ENKUR: variants seen among roughly 807,000 people sequenced by gnomAD.
ENKUR encodes the protein enkurin.
Under a neutral mutation model 27.6 loss-of-function variants are expected in ENKUR, and 19 were observed. The ratio of observed to expected loss-of-function variants is 0.69; its 90% CI spans 0.48 to 1.01. The LOEUF (loss-of-function observed/expected upper bound fraction) is 1.01, where lower values mean the gene tolerates loss of function less well. ENKUR is among the 50% of genes least tolerant of loss of function. The pLI is 0.00. For missense variants in ENKUR, 312 were observed against 310.5 expected, an observed-to-expected ratio of 1.00 and a Z score of -0.04; for synonymous variants, 117 against 96.9, an observed-to-expected ratio of 1.21 and a Z score of -1.22.
Position 25,027,356 on chromosome 10 carries a change from TCAAAAAAAAAAA to T in ENKUR, c.38-31499_38-31488del, listed in dbSNP as rs1454975063. ...TGGGTGACAGAGCAAGACTCCCGTC[TCAAAAAAAAAAA>T]AAAAAAAAAAAAAAAAAAACTAGCC... On this transcript the variant is annotated intron_variant, in intron 2 of 5. Coordinates refer to the ENKUR transcript ENST00000615958. 4.2e-4 allele frequency among the ~76,000 whole-genome samples: 19 copies of T among 45,736 alleles called. 1 individual carries two copies. The highest frequency in any genetic ancestry group is 2.4e-3 in the South Asian group (3 of 1,234). 30.0% of individuals were successfully genotyped at this position (45,736 alleles called of 152,430 possible).
intron 2 of ENKUR, among the ~76,000 whole-genome samples, chr10:25,033,853 AT>A (rs1564353908): frequency 6.7e-6 from 1 of 149,832 alleles, no homozygotes; most frequent in East Asian, 1.9e-4. Context: ...CTATCTATCT[AT>A]CTATCTATCT....
chr10:24,997,819 A>ATATATG lies in ENKUR; in HGVS notation c.223+1581_223+1582insCATATA, dbSNP rs200857558. 2.9e-3 allele frequency among the ~76,000 whole-genome samples: 444 copies of ATATATG among 151,614 alleles called. 9 individuals carry two copies. The highest frequency in any genetic ancestry group is 9.5e-3 in the African/African-American group (391 of 41,114). ...TGACACAAAGGATTTATATATATAT[A>ATATATG]TATATATGTTTGTGTTATATCATAT... On this transcript the variant is annotated intron_variant, in intron 2 of 5. Coordinates refer to ENST00000331161, the MANE Select transcript of ENKUR (RefSeq NM_145010.4).
intron 2 of ENKUR, among the ~76,000 whole-genome samples, chr10:25,045,765 T>C (rs1328919649): frequency 1.3e-5 from 2 of 152,186 alleles, no homozygotes; most frequent in African/African-American, 4.8e-5. Context: ...GATTATAAAC[T>C]TGTTTATAAA....
chr10:25,005,220 T>TA (rs1850284908), intron 1 of ENKUR, among the ~76,000 whole-genome samples: 1 of 152,210 alleles, frequency 6.6e-6, no homozygotes, highest in Non-Finnish European at 1.5e-5. Flanking sequence ...ATTTTCTATT[T>TA]ATTATTAGAA....
chr10:25,024,194 G>C, intron 2 of ENKUR: 1 of 1,614,208 alleles, frequency 6.2e-7, no homozygotes, highest in Non-Finnish European at 8.5e-7. Context: ...AACTTTGCCT[G>C]CTCAAAAATT....
upstream of ENKUR, among the ~76,000 whole-genome samples, chr10:25,016,999 T>G (rs1040472687): frequency 1.3e-5 from 2 of 152,094 alleles, no homozygotes; most frequent in Non-Finnish European, 2.9e-5. Context: ...GCCCGCGGCC[T>G]CCTCCGCCTG....
intron 4 of ENKUR, among the ~76,000 whole-genome samples, chr10:24,987,341 C>T (rs151094619): frequency 1.5e-4 from 23 of 152,148 alleles, no homozygotes; most frequent in Non-Finnish European, 2.4e-4. Context: ...GTCAATAATT[C>T]CTTCATAAAT....
At chr10:25,042,277 T>C (rs1851072819) in intron 2 of ENKUR, among the ~76,000 whole-genome samples, 1 of 147,844 alleles carries the variant, frequency 6.8e-6, no homozygotes, top group Non-Finnish European at 1.5e-5. Flanking sequence ...GATTTTTTTT[T>C]TTTGAGTCAG....
intron 2 of ENKUR, among the ~76,000 whole-genome samples, chr10:25,059,089 G>C (rs532954903): frequency 6.7e-6 from 1 of 150,250 alleles, no homozygotes; most frequent in South Asian, 2.1e-4. Context: ...ATCTAAGAGG[G>C]CACTTCATTG....
At chr10:25,016,994 C>T (rs1457981183), upstream of ENKUR, among the ~76,000 whole-genome samples, 4 of 152,176 alleles carry the variant, frequency 2.6e-5, no homozygotes, top group Non-Finnish European at 5.9e-5. Context: ...ACGGGGCCCG[C>T]GGCCTCCTCC....
intron 2 of ENKUR, among the ~76,000 whole-genome samples, chr10:25,054,154 C>T (rs998617193): frequency 6.6e-6 from 1 of 152,202 alleles, no homozygotes; most frequent in Admixed American, 6.5e-5. Context: ...GGCATGGTGG[C>T]GCACGCCTAT....
chr10:25,023,523 TGA>T, intron 2 of ENKUR: 1 of 1,614,138 alleles, frequency 6.2e-7, no homozygotes, highest in Non-Finnish European at 8.5e-7. Context: ...TGAGTGTGTC[TGA>T]AAAATTACAG....
intron 3 of ENKUR, among the ~76,000 whole-genome samples, chr10:24,991,162 C>T (rs541649838): frequency 3.2e-4 from 48 of 152,070 alleles, no homozygotes; most frequent in Non-Finnish European, 5.4e-4. Context: ...ATGTTTCCCA[C>T]GCCTGCTCCT....
At chr10:25,047,263 C>T (rs902925199) in intron 2 of ENKUR, among the ~76,000 whole-genome samples, 3 of 152,108 alleles carry the variant, frequency 2.0e-5, no homozygotes, top group Admixed American at 6.5e-5. Context: ...ACATCAGGAG[C>T]GTGTGAGGCC....
chr10:25,003,176 TAA>T (rs1491252424), intron 1 of ENKUR, among the ~76,000 whole-genome samples: 4,051 of 137,362 alleles, frequency 0.029, 73 homozygotes, highest in South Asian at 0.071. Context: ...ATTAATTAAT[TAA>T]TTAATTTATT....
At chr10:25,010,779 A>C (rs1196485824) in intron 1 of ENKUR, among the ~76,000 whole-genome samples, 3 of 143,460 alleles carry the variant, frequency 2.1e-5, no homozygotes, top group Non-Finnish European at 4.6e-5. Context: ...TGAACTCATC[A>C]TTTTTTATGG....
At chr10:25,017,080 G>A (rs985615416), upstream of ENKUR, among the ~76,000 whole-genome samples, 13 of 152,284 alleles carry the variant, frequency 8.5e-5, no homozygotes, top group Non-Finnish European at 1.0e-4. Flanking sequence ...CTCTGCGCCT[G>A]CTCTTCCCCG....
Position 25,040,528 on chromosome 10 carries a change from G to A in ENKUR, c.37+20584C>T, listed in dbSNP as rs369516831. 6.6e-4 allele frequency among the ~76,000 whole-genome samples: 98 copies of A among 148,132 alleles called. No homozygotes were observed. In the East Asian group the frequency reaches 0.019, roughly 29 times the overall value. On this transcript the variant is annotated intron_variant, in intron 2 of 5. Transcript: ENST00000615958. Reference sequence around the variant, plus strand: ...TGGGACTACAGGCGCCTGCCACCACGCCCGGCTAACTTTTTTTGTATTATC... The same window carrying A: ...TGGGACTACAGGCGCCTGCCACCACACCCGGCTAACTTTTTTTGTATTATC...
At chr10:25,027,153 G>C (rs189460397) in intron 2 of ENKUR, among the ~76,000 whole-genome samples, 2 of 150,328 alleles carry the variant, frequency 1.3e-5, no homozygotes, top group Non-Finnish European at 3.0e-5. Context: ...TCAGGAGTTC[G>C]AGACCAGCCT....
Sources: gnomAD v4.1 joint callset for allele counts (sites outside exome capture counted in the v4.1 genomes callset) on GRCh38, gnomAD v4.1.1 for gene constraint, MANE v1.5 for transcripts, NCBI Gene and HGNC (gene_info 2026-07-23, HGNC 2026-07-21) for gene names.